DNAH12: variants seen among roughly 807,000 people sequenced by gnomAD.
DNAH12 encodes the protein dynein axonemal heavy chain 12.
In DNAH12, 285 loss-of-function variants were observed where a neutral mutation model predicts 371.5. The observed-to-expected ratio is 0.77, with a 90% CI of 0.70 to 0.85. The LOEUF is 0.85. DNAH12 is among the 40% of genes least tolerant of loss of function. The pLI, the probability that DNAH12 is intolerant of heterozygous loss-of-function variation, is 0.00. For synonymous variants in DNAH12, 1,200 were observed against 1,213.0 expected, an observed-to-expected ratio of 0.99 and a Z score of 0.22; for missense variants, 3,611 against 3,689.4, an observed-to-expected ratio of 0.98 and a Z score of 0.55.
At position 57,305,529 on chromosome 3, in the gene DNAH12, T is replaced by C. The variant is rs1348007275; in HGVS notation, c.11190-3590A>G. On this transcript the variant is annotated intron_variant, in intron 69 of 73. Transcript: ENST00000495027. ...AAAAAGGTGGCTGGAGCTAAAGACA[T>C]AGTCAAGGTTAATGCTCCTTTTTCT... Among the ~76,000 whole-genome samples, 3 of 152,104 alleles carry C rather than the reference T, an allele frequency of 2.0e-5. No individual in the cohort carries two copies. In the East Asian group the frequency reaches 5.8e-4, roughly 29 times the overall value.
intron 62 of DNAH12, among the ~76,000 whole-genome samples, chr3:57,325,253 C>G (rs9790113): frequency 2.0e-5 from 3 of 152,092 alleles, no homozygotes; most frequent in African/African-American, 7.2e-5. Flanking sequence ...GATCTGAGAA[C>G]GGGCAGACTG....
chr3:57,476,434 G>A (rs1176187827), intron 13 of DNAH12, among the ~76,000 whole-genome samples: 1 of 151,932 alleles, frequency 6.6e-6, no homozygotes, highest in Non-Finnish European at 1.5e-5. Flanking sequence ...CGTGGTGGCG[G>A]GTGCCTGTAC....
rs949151785 is a variant in DNAH12, at chr3:57,425,114, C to T, written c.5281G>A (p.Val1761Met). ...KELIPTSNSN[V>M]VVSLTRLFEV... ...AAGAGGCGTGTGAGAGATACAACCA[C>T]GTTGCTGTTGCTTGTAGGAATCAGT... Residue 1761 changes from valine (V) to methionine (M), a missense_variant, in exon 35 of 74, where the codon GTG becomes ATG. Physicochemically the swap from Val to Met is conservative, Grantham distance 21. Transcript: ENST00000495027. The T allele has an allele frequency of 3.4e-5, 24 of 702,506 alleles. No homozygotes were observed. Among genetic ancestry groups the T allele is most frequent in the Admixed American group, 1.0e-4 (5 of 49,966 alleles). 43.5% of individuals were successfully genotyped at this position (702,506 alleles called of 1,614,324 possible).
chr3:57,466,189 A>C (rs1559690270), intron 17 of DNAH12, among the ~76,000 whole-genome samples: 1 of 152,168 alleles, frequency 6.6e-6, no homozygotes, highest in African/African-American at 2.4e-5. Flanking sequence ...CAAAACAAAG[A>C]AAGAAAATAA....
the DNAH12 span, among the ~76,000 whole-genome samples, chr3:57,551,379 C>G: frequency 1.3e-5 from 2 of 152,036 alleles, no homozygotes; most frequent in Non-Finnish European, 2.9e-5. Context: ...TCACACCATT[C>G]TCCTGCCTCA....
intron 29 of DNAH12, 77 bp downstream of exon 29, chr3:57,444,620 T>G: frequency 6.6e-7 from 1 of 1,521,230 alleles, no homozygotes; most frequent in South Asian, 1.3e-5. Flanking sequence ...TTTCACACAT[T>G]AATAAATCTT....
At chr3:57,327,156 C>G (rs1304779450) in intron 62 of DNAH12, among the ~76,000 whole-genome samples, 1 of 152,110 alleles carries the variant, frequency 6.6e-6, no homozygotes, top group Non-Finnish European at 1.5e-5. Context: ...ATCAACGAGA[C>G]AGAAAGTCAA....
intron 22 of DNAH12, among the ~76,000 whole-genome samples, chr3:57,456,434 C>G (rs2065903914): frequency 6.6e-6 from 1 of 152,090 alleles, no homozygotes; most frequent in Non-Finnish European, 1.5e-5. Context: ...ATTTGTGGTC[C>G]TAAAGGCAGA....
At chr3:57,301,429 A>G (rs1288567763) in intron 70 of DNAH12, among the ~76,000 whole-genome samples, 2 of 152,050 alleles carry the variant, frequency 1.3e-5, no homozygotes, top group Non-Finnish European at 2.9e-5. Flanking sequence ...AATTTTGAAA[A>G]ATATAAATGT....
rs867812485 is a variant in DNAH12, at chr3:57,445,946, C to T, written c.4179+85G>A. 7 of 1,310,958 alleles carry T rather than the reference C, an allele frequency of 5.3e-6. No individual in the cohort carries two copies. In the African/African-American group the frequency reaches 7.8e-5, roughly 15 times the overall value. The allele number at this position is 1,310,958 out of a possible 1,614,324, so 81.2% of individuals were successfully genotyped here. On this transcript the variant is annotated intron_variant, in intron 27 of 73. Coordinates refer to ENST00000495027, the MANE Select transcript of DNAH12 (RefSeq NM_001366028.2). The stretch of plus-strand genomic sequence containing the variant: ...GAGGTTGCAGTGAGCCAAGATCGCG[C>T]CACTGCACTCCAGCCTGGGCAATAG...
At chr3:57,371,941 CAAAAAAAAAA>C (rs1169602185) in intron 55 of DNAH12, among the ~76,000 whole-genome samples, 5 of 25,864 alleles carry the variant, frequency 1.9e-4, no homozygotes, top group African/African-American at 6.7e-4. Flanking sequence ...CTAAACTCAG[CAAAAAAAAAA>C]AAAAAAAAAA....
intron 4 of DNAH12, among the ~76,000 whole-genome samples, chr3:57,511,762 C>T (rs1183634183): frequency 1.3e-5 from 2 of 152,124 alleles, no homozygotes; most frequent in Admixed American, 6.6e-5. Context: ...TCCAAAAATA[C>T]ACCAGTATAT....
At chr3:57,302,530 TA>T (rs376046096) in intron 69 of DNAH12, among the ~76,000 whole-genome samples, 7,443 of 17,372 alleles carry the variant, frequency 0.43, 1,004 homozygotes, top group African/African-American at 0.47. Context: ...GCATCAGGTG[TA>T]TATATATATA....
chr3:57,302,067 T>C (rs955230745), intron 69 of DNAH12, 128 bp from the exon 70 acceptor site: 27 of 894,956 alleles, frequency 3.0e-5, no homozygotes, highest in Non-Finnish European at 3.9e-5. Context: ...TCACCTCCCA[T>C]GTGGTGGTAC....
intron 60 of DNAH12, among the ~76,000 whole-genome samples, chr3:57,335,170 G>T (rs190936138): frequency 6.6e-6 from 1 of 152,150 alleles, no homozygotes; most frequent in East Asian, 1.9e-4. Context: ...GGTGATCCCC[G>T]TTCCTCAGCA....
At chr3:57,398,348 GAGAA>G (rs1221966952) in intron 43 of DNAH12, among the ~76,000 whole-genome samples, 5 of 152,192 alleles carry the variant, frequency 3.3e-5, no homozygotes, top group African/African-American at 1.2e-4. Context: ...ATATGAGAGA[GAGAA>G]AGAGAGGACA....
chr3:57,400,069 G>T (rs979091962), intron 43 of DNAH12, among the ~76,000 whole-genome samples: 4 of 152,244 alleles, frequency 2.6e-5, no homozygotes, highest in African/African-American at 9.6e-5. Flanking sequence ...CAGGAGGATT[G>T]CTTGAGCTTA....
At chr3:57,550,960 G>A in the DNAH12 span, among the ~76,000 whole-genome samples, 4 of 149,498 alleles carry the variant, frequency 2.7e-5, no homozygotes, top group Non-Finnish European at 5.9e-5. Flanking sequence ...CTCACTGCAA[G>A]CTCCGCTTCC....
At chr3:57,516,602 C>T (rs982166172) in intron 4 of DNAH12, among the ~76,000 whole-genome samples, 13 of 152,170 alleles carry the variant, frequency 8.5e-5, no homozygotes, top group African/African-American at 2.9e-4. Flanking sequence ...CAAGTCCTGT[C>T]GCATTTACAT....
Sources: gnomAD v4.1 joint callset for allele counts (sites outside exome capture counted in the v4.1 genomes callset) on GRCh38, gnomAD v4.1.1 for gene constraint, MANE v1.5 for transcripts, NCBI Gene and HGNC (gene_info 2026-07-23, HGNC 2026-07-21) for gene names.